MICAL2: variants seen among roughly 807,000 people sequenced by gnomAD.
MICAL2 encodes microtubule associated monooxygenase, calponin and LIM domain containing 2.
A neutral mutation model predicts 127.3 loss-of-function variants in MICAL2; 77 were observed. The observed-to-expected ratio is 0.60, with a 90% CI of 0.50 to 0.73. The LOEUF (loss-of-function observed/expected upper bound fraction) is 0.73. MICAL2 is among the 30% of genes least tolerant of loss of function. The pLI, the probability that MICAL2 is intolerant of heterozygous loss-of-function variation, is 0.00. For synonymous variants in MICAL2, 570 were observed against 551.1 expected (o/e 1.03, Z -0.48); for missense variants, 1,351 against 1,434.4 (o/e 0.94, Z 0.94).
downstream of MICAL2, among the ~76,000 whole-genome samples, chr11:12,265,387 T>G (rs915074316): frequency 6.6e-6 from 1 of 152,252 alleles, no homozygotes; most frequent in Non-Finnish European, 1.5e-5. Flanking sequence ...GAAAACCATA[T>G]AATTAAATAT....
chr11:12,209,746 G>C (rs186513728), intron 6 of MICAL2, 148 bp downstream of exon 6: 2 of 694,998 alleles, frequency 2.9e-6, no homozygotes, highest in Non-Finnish European at 5.1e-6. Context: ...TCCCTCTTGA[G>C]GTAGAACAGC....
intron 3 of MICAL2, among the ~76,000 whole-genome samples, chr11:12,200,412 C>G (rs376345802): frequency 6.8e-4 from 104 of 152,354 alleles, no homozygotes; most frequent in African/African-American, 2.5e-3. Context: ...AGAGCTTCTA[C>G]AGTGGGCATG....
At chr11:12,286,956 T>C in intron 2 of MICAL2, 1 of 394,938 alleles carries the variant, frequency 2.5e-6, no homozygotes, top group Non-Finnish European at 4.5e-6. Context: ...AGGAGAGAGT[T>C]CAGTCTATTA....
intron 32 of MICAL2, among the ~76,000 whole-genome samples, chr11:12,330,896 A>AGT (rs1461125821): frequency 1.5e-4 from 17 of 116,750 alleles, no homozygotes; most frequent in African/African-American, 3.7e-4. Context: ...AGAGAGAGAG[A>AGT]GAGAGTGTGT....
upstream of MICAL2, among the ~76,000 whole-genome samples, chr11:12,272,341 C>T (rs1863683249): frequency 6.6e-6 from 1 of 152,194 alleles, no homozygotes; most frequent in Non-Finnish European, 1.5e-5. Flanking sequence ...AGATCTCCCT[C>T]CCCTTCTGCC....
At chr11:12,358,427 A>G (rs1363094621) in exon 35 of MICAL2, 2 of 1,614,094 alleles carry the variant, frequency 1.2e-6, no homozygotes, top group Non-Finnish European at 1.7e-6. Context: ...GCCGAGGACC[A>G]GCACTTTGAA....
At chr11:12,334,775 G>A (rs1394640139) in intron 32 of MICAL2, among the ~76,000 whole-genome samples, 2 of 151,814 alleles carry the variant, frequency 1.3e-5, no homozygotes, top group Non-Finnish European at 2.9e-5. Context: ...TCCCTACAAA[G>A]GACATGAACT....
At chr11:12,324,934 G>A (rs1318257203) in intron 31 of MICAL2, among the ~76,000 whole-genome samples, 1 of 152,066 alleles carries the variant, frequency 6.6e-6, no homozygotes, top group Non-Finnish European at 1.5e-5. Context: ...TTCCTTCCAA[G>A]AACAAGACAA....
downstream of MICAL2, chr11:12,358,521 GAT>G: frequency 6.3e-7 from 1 of 1,595,556 alleles, no homozygotes. Context: ...GTTGGGACCG[GAT>G]CAGGCCAAGT....
intron 1 of MICAL2, among the ~76,000 whole-genome samples, chr11:12,113,661 A>G (rs1024103135): frequency 6.6e-6 from 1 of 152,222 alleles, no homozygotes; most frequent in African/African-American, 2.4e-5. Context: ...TTATTATAGT[A>G]TATTGTTATA....
chr11:12,279,182 C>G (rs1863747755), intron 1 of MICAL2, among the ~76,000 whole-genome samples: 1 of 152,150 alleles, frequency 6.6e-6, no homozygotes. Flanking sequence ...GAAAGTGTCT[C>G]AAGAGGGAGG....
chr11:12,287,622 C>T (rs1863842158), downstream of MICAL2, among the ~76,000 whole-genome samples: 1 of 152,194 alleles, frequency 6.6e-6, no homozygotes, highest in South Asian at 2.1e-4. Context: ...TGCACACGCA[C>T]ACACACTCAC....
Position 12,220,439 on chromosome 11 carries a change from T to A in MICAL2, c.1187T>A (p.Val396Glu). 1 of 1,610,426 alleles carries A rather than the reference T, an allele frequency of 6.2e-7. No individual in the cohort carries two copies. Among genetic ancestry groups the A allele is most frequent in the Non-Finnish European group, 8.5e-7 (1 of 1,179,988 alleles). The stretch of plus-strand genomic sequence containing the variant: ...GCGCACCAGCTGCTCGTGGCCCTTG[T>A]GGGTGACAGCTTGCTTGAGGTACTG... Reference protein sequence around the residue: ...RQAHQLLVALVGDSLLEPFWP... With the variant: ...RQAHQLLVALEGDSLLEPFWP... The change falls in exon 9 of 28, where the codon GTG becomes GAG. Residue 396 changes from valine to glutamate, a missense_variant. Physicochemically the swap from Val to Glu is moderately radical, Grantham distance 121. Transcript: ENST00000683283.
intron 15 of MICAL2, 46 bp downstream of exon 15, chr11:12,227,177 CG>C (rs1565203675): frequency 7.4e-7 from 1 of 1,348,780 alleles, no homozygotes; most frequent in South Asian, 1.2e-5. Context: ...TGCACATGGA[CG>C]GGGTATGAGG....
At position 12,227,064 on chromosome 11, in the gene MICAL2, G is replaced by C. The variant is rs1857572706; in HGVS notation, c.1928G>C (p.Ser643Thr). ...RKNYGENADL[S>T]LAKSSISNNY... Reference sequence around the variant, plus strand: ...AACTATGGAGAAAATGCTGACCTCAGCTTGGCCAAATCATCCATTTCTAAT... The same window carrying C: ...AACTATGGAGAAAATGCTGACCTCACCTTGGCCAAATCATCCATTTCTAAT... Residue 643 changes from serine (S) to threonine (T), a missense_variant, in exon 15 of 28, where the codon AGC (serine) becomes ACC (threonine). By Grantham distance (58) the Ser-to-Thr change is moderately conservative. This residue lies in a region of MICAL2 where 752 missense variants were observed against 719.4 expected (regional missense o/e 1.05). Transcript: ENST00000683283. 6.2e-7 allele frequency: 1 copy of C among 1,614,114 alleles called. No individual in the cohort carries two copies. Among genetic ancestry groups the C allele is most frequent in the Admixed American group, 1.7e-5 (1 of 60,022 alleles).
chr11:12,223,292 C>T, intron 11 of MICAL2, 119 bp from the exon 12 acceptor site: 4 of 847,172 alleles, frequency 4.7e-6, no homozygotes, highest in Non-Finnish European at 7.7e-6. Flanking sequence ...AAGGTCATGC[C>T]TCCCAGCAGT....
chr11:12,288,134 G>T (rs745723099), downstream of MICAL2, among the ~76,000 whole-genome samples: 9 of 152,218 alleles, frequency 5.9e-5, no homozygotes, highest in Admixed American at 3.3e-4. Flanking sequence ...AGGACCCAGG[G>T]CTGCACTCTT....
At chr11:12,277,086 T>TGACCAA (rs1038230266) in intron 1 of MICAL2, among the ~76,000 whole-genome samples, 3 of 151,408 alleles carry the variant, frequency 2.0e-5, no homozygotes, top group Non-Finnish European at 4.4e-5. Context: ...AAGCCAACCC[T>TGACCAA]GACCAAGTAA....
At chr11:12,330,566 G>A (rs777157050) in intron 32 of MICAL2, among the ~76,000 whole-genome samples, 15 of 152,128 alleles carry the variant, frequency 9.9e-5, no homozygotes, top group Middle Eastern at 3.4e-3. Flanking sequence ...GCGGGGGTGC[G>A]GGATGGAGGG....
Sources: gnomAD v4.1 joint callset for allele counts (sites outside exome capture counted in the v4.1 genomes callset) on GRCh38, gnomAD v4.1.1 for gene constraint, gnomAD v4.1.1 regional missense constraint, MANE v1.5 for transcripts, NCBI Gene and HGNC (gene_info 2026-07-23, HGNC 2026-07-21) for gene names.